SWT1: variants seen among roughly 807,000 people sequenced by gnomAD.
SWT1 encodes the protein transcriptional protein SWT1.
In SWT1, 33 loss-of-function variants were observed where a neutral mutation model predicts 107.3. The observed-to-expected ratio is 0.31, with a 90% CI of 0.23 to 0.41. SWT1 has a LOEUF of 0.41. SWT1 is among the 10% of genes least tolerant of loss of function. The pLI, the probability that SWT1 is intolerant of heterozygous loss-of-function variation, is 1.00. For synonymous variants in SWT1, 345 were observed against 348.3 expected (o/e 0.99, Z 0.11); for missense variants, 898 against 1,028.9 (o/e 0.87, Z 1.74).
intron 16 of SWT1, among the ~76,000 whole-genome samples, chr1:185,232,217 A>G (rs1260496140): frequency 6.6e-6 from 1 of 152,220 alleles, no homozygotes; most frequent in Non-Finnish European, 1.5e-5. Flanking sequence ...AAAGTATGGC[A>G]GATCCTAACA....
intron 15 of SWT1, among the ~76,000 whole-genome samples, chr1:185,225,184 T>C (rs1659958245): frequency 6.6e-6 from 1 of 152,188 alleles, no homozygotes; most frequent in Non-Finnish European, 1.5e-5. Context: ...ATCCTATCAT[T>C]TTTGTCTTTG....
intron 11 of SWT1, among the ~76,000 whole-genome samples, chr1:185,204,203 A>G (rs565829183): frequency 1.3e-5 from 2 of 152,216 alleles, no homozygotes; most frequent in African/African-American, 2.4e-5. Flanking sequence ...TCTTGAACTC[A>G]GGAGGCAGAG....
intron 16 of SWT1, among the ~76,000 whole-genome samples, chr1:185,261,779 AC>A (rs1442928319): frequency 6.6e-6 from 1 of 152,022 alleles, no homozygotes; most frequent in Non-Finnish European, 1.5e-5. Flanking sequence ...AAAACTGTGC[AC>A]TTTCAAAGTT....
In SWT1 at chr1:185,279,140, G is replaced by T. The variant is rs114152166; in HGVS notation, c.2573+2472G>T. Among the ~76,000 whole-genome samples, 1,242 of 152,222 alleles carry T rather than the reference G, an allele frequency of 8.2e-3. 16 individuals carry two copies. The highest frequency in any genetic ancestry group is 0.028 in the African/African-American group (1,162 of 41,528). The stretch of plus-strand genomic sequence containing the variant: ...CTAATCTTCAGATTATCAATGAATC[G>T]GTTTTACTCATATAGATTTTTACAG... On this transcript the variant is annotated intron_variant, in intron 18 of 18. Coordinates refer to ENST00000367500, the MANE Select transcript of SWT1 (RefSeq NM_017673.7).
At chr1:185,205,923 G>A (rs1050885519) in intron 12 of SWT1, among the ~76,000 whole-genome samples, 5 of 151,984 alleles carry the variant, frequency 3.3e-5, no homozygotes, top group Non-Finnish European at 5.9e-5. Context: ...GTTTTTAATA[G>A]GCATGTCTTT....
chr1:185,259,672 A>C (rs1353996057), intron 16 of SWT1, among the ~76,000 whole-genome samples: 2 of 152,058 alleles, frequency 1.3e-5, no homozygotes, highest in Non-Finnish European at 2.9e-5. Flanking sequence ...CATTGACCTT[A>C]AGCTAAAGTA....
At chr1:185,220,722 A>G (rs1659591167) in intron 14 of SWT1, among the ~76,000 whole-genome samples, 1 of 152,224 alleles carries the variant, frequency 6.6e-6, no homozygotes, top group Admixed American at 6.5e-5. Flanking sequence ...CTTATTTGCA[A>G]GCAGCCTCTC....
At chr1:185,260,136 T>A (rs1465069998) in intron 16 of SWT1, among the ~76,000 whole-genome samples, 2 of 152,088 alleles carry the variant, frequency 1.3e-5, no homozygotes, top group African/African-American at 2.4e-5. Context: ...ATGGCTTAGG[T>A]GGTACCAAAT....
chr1:185,173,316 T>C (rs1655245387), intron 4 of SWT1, among the ~76,000 whole-genome samples: 1 of 151,990 alleles, frequency 6.6e-6, no homozygotes, highest in Non-Finnish European at 1.5e-5. Flanking sequence ...TTTAATACGC[T>C]AAAGTTTTAA....
At chr1:185,173,849 A>C (rs922068795) in intron 4 of SWT1, among the ~76,000 whole-genome samples, 6 of 152,124 alleles carry the variant, frequency 3.9e-5, no homozygotes, top group African/African-American at 1.4e-4. Context: ...AAACCTTGTC[A>C]CTACAAAAAA....
chr1:185,235,995 T>C (rs1660844150), intron 16 of SWT1, among the ~76,000 whole-genome samples: 1 of 152,052 alleles, frequency 6.6e-6, no homozygotes, highest in South Asian at 2.1e-4. Flanking sequence ...TACAAGGGAT[T>C]TGAACGACCT....
Position 185,282,819 on chromosome 1 carries a change from A to T in SWT1, c.2573+6151A>T, listed in dbSNP as rs141474268. 2.5e-3 allele frequency among the ~76,000 whole-genome samples: 374 copies of T among 152,236 alleles called. 2 individuals are homozygous for T. Among genetic ancestry groups the T allele is most frequent in the African/African-American group, 8.4e-3 (349 of 41,530 alleles). On this transcript the variant is annotated intron_variant, in intron 18 of 18. Coordinates refer to ENST00000367500, the MANE Select transcript of SWT1 (RefSeq NM_017673.7). ...GTGCTGTGTGGAGAAAACCCCACAC[A>T]CATCTGGGGTCAGAATTGTTGAGTG...
At chr1:185,167,764 C>G (rs773480551) in intron 3 of SWT1, among the ~76,000 whole-genome samples, 4 of 152,046 alleles carry the variant, frequency 2.6e-5, no homozygotes, top group African/African-American at 9.7e-5. Flanking sequence ...TACCAGTTAT[C>G]CTCAGTTTCT....
chr1:185,163,797 A>G (rs537596460), intron 2 of SWT1, among the ~76,000 whole-genome samples: 108 of 152,288 alleles, frequency 7.1e-4, no homozygotes, highest in Admixed American at 1.1e-3. Context: ...GAAGTCTTGA[A>G]CTGCTCAAAG....
chr1:185,239,088 A>G lies in SWT1; in HGVS notation c.2441+7380A>G, dbSNP rs75988160. 5.6e-3 allele frequency among the ~76,000 whole-genome samples: 848 copies of G among 152,174 alleles called. 34 individuals carry two copies. In the East Asian group the frequency reaches 0.094, roughly 17 times the overall value. ...ATATATAGTGTTATATTGGGGCTCG[A>G]TAATCAGGTGATCTTTAGCTTGGCC... On this transcript the variant is annotated intron_variant, in intron 16 of 18. Coordinates refer to ENST00000367500, the MANE Select transcript of SWT1 (RefSeq NM_017673.7).
intron 18 of SWT1, among the ~76,000 whole-genome samples, chr1:185,288,687 T>G (rs1249913725): frequency 6.6e-6 from 1 of 152,162 alleles, no homozygotes; most frequent in Non-Finnish European, 1.5e-5. Flanking sequence ...TTTGAATACT[T>G]AACATGCCAG....
At chr1:185,259,786 T>C (rs2102688537) in intron 16 of SWT1, among the ~76,000 whole-genome samples, 1 of 152,284 alleles carries the variant, frequency 6.6e-6, no homozygotes, top group African/African-American at 2.4e-5. Flanking sequence ...GACCACTTAC[T>C]TCTTGTCAAT....
chr1:185,227,524 T>G, intron 15 of SWT1: 1 of 537,076 alleles, frequency 1.9e-6, no homozygotes, highest in Non-Finnish European at 3.5e-6. Flanking sequence ...ACAAATGATA[T>G]CTCTGTTTGT....
At chr1:185,195,376 A>G (rs955830145) in intron 10 of SWT1, among the ~76,000 whole-genome samples, 1 of 151,972 alleles carries the variant, frequency 6.6e-6, no homozygotes, top group South Asian at 2.1e-4. Context: ...TATGTGCCAC[A>G]TTTTCTTAAT....
Sources: gnomAD v4.1 joint callset for allele counts (sites outside exome capture counted in the v4.1 genomes callset) on GRCh38, gnomAD v4.1.1 for gene constraint, MANE v1.5 for transcripts, NCBI Gene and HGNC (gene_info 2026-07-23, HGNC 2026-07-21) for gene names.